RNF214: variants seen among roughly 807,000 people sequenced by gnomAD.
RNF214 encodes the protein ring finger protein 214.
In RNF214, 25 loss-of-function variants were observed where a neutral mutation model predicts 75.9. That is an observed-to-expected ratio of 0.33 (90% CI 0.24 to 0.46). RNF214 has a LOEUF of 0.46. RNF214 is among the 20% of genes least tolerant of loss of function. RNF214 has a pLI of 1.00. For synonymous variants in RNF214, 314 were observed against 308.8 expected, an observed-to-expected ratio of 1.02 and a Z score of -0.18; for missense variants, 725 against 857.5, an observed-to-expected ratio of 0.85 and a Z score of 1.93.
chr11:117,235,385 A>G (rs57010822), intron 2 of RNF214, among the ~76,000 whole-genome samples: 3,215 of 151,636 alleles, frequency 0.021, 127 homozygotes, highest in African/African-American at 0.073. Context: ...TTTAGTAGAA[A>G]CGGGGTTTCA....
At chr11:117,244,014 C>A (rs1014844182) in intron 4 of RNF214, among the ~76,000 whole-genome samples, 1 of 152,320 alleles carries the variant, frequency 6.6e-6, no homozygotes, top group Admixed American at 6.5e-5. Context: ...CAGAGTCTTG[C>A]TCTGTCGCCT....
intron 6 of RNF214, among the ~76,000 whole-genome samples, chr11:117,269,485 C>T (rs1407829320): frequency 6.6e-6 from 1 of 152,164 alleles, no homozygotes; most frequent in Admixed American, 6.5e-5. Flanking sequence ...ACCTTAGCTT[C>T]CTGAGTAGCT....
At chr11:117,260,185 C>A (rs921071470) in intron 6 of RNF214, among the ~76,000 whole-genome samples, 1 of 151,834 alleles carries the variant, frequency 6.6e-6, no homozygotes, top group Non-Finnish European at 1.5e-5. Context: ...TGGCTATTCA[C>A]AGGTGCAGTC....
intron 5 of RNF214, among the ~76,000 whole-genome samples, chr11:117,245,216 GGCTGAGGTGGGAGGATC>G (rs2134365772): frequency 6.6e-6 from 1 of 151,152 alleles, no homozygotes; most frequent in Admixed American, 6.6e-5. Flanking sequence ...CTACATGGGA[GGCTGAGGTGGGAGGATC>G]GCTTAAACCC....
intron 14 of RNF214, among the ~76,000 whole-genome samples, chr11:117,284,355 C>T (rs2034197688): frequency 6.6e-6 from 1 of 152,166 alleles, no homozygotes; most frequent in Non-Finnish European, 1.5e-5. Flanking sequence ...TCCCTCTTAA[C>T]AACATTTTGT....
intron 4 of RNF214, among the ~76,000 whole-genome samples, chr11:117,241,162 A>G (rs2033068389): frequency 6.6e-6 from 1 of 151,964 alleles, no homozygotes; most frequent in African/African-American, 2.4e-5. Context: ...CCTGGGTGAC[A>G]GAGTGAGACT....
In RNF214 at chr11:117,246,127, G is replaced by C. The variant is rs572062352; in HGVS notation, c.820-682G>C. 2.6e-5 allele frequency among the ~76,000 whole-genome samples: 4 copies of C among 152,096 alleles called. No individual in the cohort carries two copies. In the South Asian group the frequency reaches 8.3e-4, roughly 32 times the overall value. On this transcript the variant is annotated intron_variant, in intron 5 of 14. Coordinates refer to ENST00000300650, the MANE Select transcript of RNF214 (RefSeq NM_207343.4). ...CTACAGGCATGTGCCACCACACCTGGCTAATTTTTTTTATTTTTTGTGAGA... is the reference window on the plus strand; with the variant it reads ...CTACAGGCATGTGCCACCACACCTGCCTAATTTTTTTTATTTTTTGTGAGA...
chr11:117,275,006 T>A (rs1437835331), intron 6 of RNF214, among the ~76,000 whole-genome samples: 3 of 152,078 alleles, frequency 2.0e-5, no homozygotes, highest in South Asian at 2.1e-4. Context: ...AGATAGGCCA[T>A]ATGATAGGCT....
intron 4 of RNF214, among the ~76,000 whole-genome samples, chr11:117,242,086 G>T (rs763163541): frequency 1.1e-4 from 16 of 151,982 alleles, no homozygotes; most frequent in Non-Finnish European, 1.5e-4. Context: ...GTTGGCTTTT[G>T]AAGAGAACGT....
At chr11:117,262,381 C>G (rs1026377924) in intron 6 of RNF214, among the ~76,000 whole-genome samples, 16 of 152,086 alleles carry the variant, frequency 1.1e-4, no homozygotes, top group African/African-American at 3.6e-4. Context: ...GCCACCGCAC[C>G]TGGCCTGTTT....
chr11:117,280,724 T>C (rs1178434502), intron 8 of RNF214, among the ~76,000 whole-genome samples: 5 of 152,152 alleles, frequency 3.3e-5, no homozygotes, highest in African/African-American at 1.2e-4. Context: ...ACAATGATCT[T>C]TGGAGATTCA....
intron 14 of RNF214, 34 bp downstream of exon 14, chr11:117,283,244 T>C: frequency 7.3e-7 from 1 of 1,375,762 alleles, no homozygotes; most frequent in East Asian, 2.3e-5. Context: ...TTTTCTACAC[T>C]TTTTCTTCTG....
intron 6 of RNF214, among the ~76,000 whole-genome samples, chr11:117,257,453 C>T (rs540268125): frequency 2.0e-5 from 3 of 152,226 alleles, no homozygotes; most frequent in East Asian, 1.9e-4. Context: ...ATAACATCAC[C>T]GTTGGAATTC....
chr11:117,249,805 A>G (rs147894740), intron 6 of RNF214, among the ~76,000 whole-genome samples: 5 of 152,312 alleles, frequency 3.3e-5, no homozygotes, highest in African/African-American at 1.2e-4. Context: ...AAGGACACCA[A>G]TTCTATTGGA....
At chr11:117,264,795 G>GTAATCTAAGTGCTGTAATCTAAGGTGTA (rs1228715288) in intron 6 of RNF214, among the ~76,000 whole-genome samples, 3 of 152,072 alleles carry the variant, frequency 2.0e-5, no homozygotes, top group African/African-American at 7.2e-5. Context: ...CCTCTTAGGT[G>GTAATCTAAGTGCTGTAATCTAAGGTGTA]ATTCATGACT....
At chr11:117,253,100 A>ACT (rs2033440318) in intron 6 of RNF214, among the ~76,000 whole-genome samples, 1 of 151,330 alleles carries the variant, frequency 6.6e-6, no homozygotes, top group African/African-American at 2.4e-5. Flanking sequence ...AAAGCCTTGA[A>ACT]CTCCTGAGCT....
intron 6 of RNF214, among the ~76,000 whole-genome samples, chr11:117,275,796 A>C (rs188055440): frequency 6.6e-6 from 1 of 152,216 alleles, no homozygotes; most frequent in Admixed American, 6.5e-5. Context: ...TTCACAGCCA[A>C]ATTCTACCAG....
rs182778383 is a variant in RNF214, at chr11:117,270,491, G to A, written c.960-9417G>A. Among the ~76,000 whole-genome samples, 818 of 151,964 alleles carry A rather than the reference G, an allele frequency of 5.4e-3. 8 individuals carry two copies. The highest frequency in any genetic ancestry group is 0.018 in the African/African-American group (744 of 41,434). ...CTGTCACCCAGGCTGGAGTGCAGTG[G>A]CACGATGTGGGCTCACTGCAACCTC... is the stretch of plus-strand genomic sequence containing the variant. On this transcript the variant is annotated intron_variant, in intron 6 of 14. Coordinates refer to ENST00000300650, the MANE Select transcript of RNF214 (RefSeq NM_207343.4).
intron 2 of RNF214, among the ~76,000 whole-genome samples, chr11:117,237,436 G>A (rs77892273): frequency 3.8e-4 from 58 of 152,290 alleles, no homozygotes; most frequent in African/African-American, 1.3e-3. Flanking sequence ...AAACAAAGAC[G>A]CATCAACTTG....
Sources: allele counts gnomAD v4.1 joint callset (sites outside exome capture counted in the v4.1 genomes callset), GRCh38; gene constraint gnomAD v4.1.1; transcripts MANE v1.5; gene names NCBI Gene and HGNC (gene_info 2026-07-23, HGNC 2026-07-21).